CYP2J2: variants seen among roughly 807,000 people sequenced by gnomAD.
CYP2J2 encodes cytochrome P450 family 2 subfamily J member 2.
A neutral mutation model predicts 48.8 loss-of-function variants in CYP2J2; 41 were observed. The ratio of observed to expected loss-of-function variants is 0.84; its 90% CI spans 0.66 to 1.09. The LOEUF is 1.09. Among genes scored for constraint, CYP2J2 ranks in the 50% least tolerant of loss-of-function variants. CYP2J2 has a pLI of 0.00. For synonymous variants in CYP2J2, 221 were observed against 227.1 expected (o/e 0.97, Z 0.24); for missense variants, 644 against 617.3 (o/e 1.04, Z -0.46).
chr1:59,949,089 G>A, the CYP2J2 span, among the ~76,000 whole-genome samples: 2 of 152,140 alleles, frequency 1.3e-5, no homozygotes, highest in South Asian at 4.2e-4. Context: ...CTCTCCTGAT[G>A]GCATTCAGAA....
chr1:59,904,844 G>T, intron 7 of CYP2J2, 27 bp downstream of exon 7: 1 of 1,592,938 alleles, frequency 6.3e-7, no homozygotes, highest in East Asian at 2.2e-5. Context: ...CCCCCTAAAA[G>T]ATGGGCTTGA....
intron 2 of CYP2J2, among the ~76,000 whole-genome samples, chr1:59,914,896 T>A (rs1644450804): frequency 6.6e-6 from 1 of 152,202 alleles, no homozygotes; most frequent in African/African-American, 2.4e-5. Context: ...TGTTTCGGTA[T>A]AAAACCCGAT....
intron 7 of CYP2J2, 116 bp from the exon 8 acceptor site, chr1:59,901,219 T>C: frequency 9.7e-7 from 1 of 1,029,678 alleles, no homozygotes; most frequent in Non-Finnish European, 1.4e-6. Context: ...TGCCCCACCC[T>C]CCCCAATTGT....
chr1:59,957,700 ACAC>A, the CYP2J2 span, among the ~76,000 whole-genome samples: 6,525 of 150,192 alleles, frequency 0.043, 152 homozygotes, highest in African/African-American at 0.069. Flanking sequence ...ACACACACAC[ACAC>A]CACACACACA....
chr1:59,969,026 C>A, the CYP2J2 span, among the ~76,000 whole-genome samples: 1 of 152,018 alleles, frequency 6.6e-6, no homozygotes, highest in African/African-American at 2.4e-5. Flanking sequence ...TAAGGCAGTG[C>A]GTCTGGAGTT....
chr1:59,912,908 T>C (rs933391468), intron 2 of CYP2J2: 2 of 152,198 alleles, frequency 1.3e-5, no homozygotes, highest in Non-Finnish European at 2.9e-5. Context: ...GAAAGTTCCA[T>C]ACAGAAAGAA....
At chr1:59,921,931 C>A (rs1644519391) in intron 1 of CYP2J2, among the ~76,000 whole-genome samples, 1 of 152,152 alleles carries the variant, frequency 6.6e-6, no homozygotes, top group Admixed American at 6.5e-5. Context: ...AGAATTACTT[C>A]ATCCCCATGT....
intron 6 of CYP2J2, 108 bp from the exon 7 acceptor site, chr1:59,905,166 G>T (rs540658803): frequency 7.0e-6 from 8 of 1,135,892 alleles, no homozygotes; most frequent in East Asian, 5.4e-5. Context: ...TTAGTGACCA[G>T]GTTGCAAGAA....
the CYP2J2 span, among the ~76,000 whole-genome samples, chr1:59,945,081 A>C: frequency 6.6e-6 from 1 of 152,260 alleles, no homozygotes; most frequent in Non-Finnish European, 1.5e-5. Context: ...AGAATTATCA[A>C]ACTTTTTTGG....
chr1:59,968,761 G>A, the CYP2J2 span, among the ~76,000 whole-genome samples: 5 of 152,216 alleles, frequency 3.3e-5, no homozygotes, highest in African/African-American at 9.6e-5. Flanking sequence ...GCTTTGTGAT[G>A]AGCATGTGCC....
the CYP2J2 span, among the ~76,000 whole-genome samples, chr1:59,965,615 G>A: frequency 6.6e-6 from 1 of 152,188 alleles, no homozygotes; most frequent in East Asian, 1.9e-4. Flanking sequence ...GACCAGTGGT[G>A]TACTTGGTGC....
chr1:59,961,327 TA>T, the CYP2J2 span, among the ~76,000 whole-genome samples: 1 of 152,090 alleles, frequency 6.6e-6, no homozygotes, highest in Non-Finnish European at 1.5e-5. Context: ...AGGATTTAAA[TA>T]AATATTTTTC....
chr1:59,910,858 G>A (rs1466373194), intron 4 of CYP2J2, among the ~76,000 whole-genome samples: 1 of 152,166 alleles, frequency 6.6e-6, no homozygotes, highest in Non-Finnish European at 1.5e-5. Flanking sequence ...AAGGCTTAGA[G>A]GGACAAAAAT....
At chr1:59,904,784 T>A in intron 7 of CYP2J2, 87 bp downstream of exon 7, 1 of 1,157,756 alleles carries the variant, frequency 8.6e-7, no homozygotes, top group Non-Finnish European at 1.2e-6. Context: ...TCCATTTAAA[T>A]GATTCCTTAG....
the CYP2J2 span, among the ~76,000 whole-genome samples, chr1:59,955,165 A>T: frequency 1.4e-5 from 2 of 147,048 alleles, no homozygotes; most frequent in South Asian, 4.3e-4. Context: ...AAATAAATAA[A>T]TAAATAATTA....
chr1:59,928,461 G>A (rs555119143), upstream of CYP2J2, among the ~76,000 whole-genome samples: 8 of 152,246 alleles, frequency 5.3e-5, no homozygotes, highest in East Asian at 1.9e-4. Flanking sequence ...CCAGATCAAC[G>A]TGACAGAAAC....
chr1:59,937,310 C>T, the CYP2J2 span, among the ~76,000 whole-genome samples: 2 of 152,196 alleles, frequency 1.3e-5, no homozygotes, highest in East Asian at 3.8e-4. Context: ...ACACTCATAT[C>T]CCATTGTCCA....
At chr1:59,947,113 C>T in the CYP2J2 span, among the ~76,000 whole-genome samples, 1 of 152,148 alleles carries the variant, frequency 6.6e-6, no homozygotes, top group South Asian at 2.1e-4. Context: ...TTCTCTCTAG[C>T]TACTTTTATT....
chr1:59,961,666 A>T, the CYP2J2 span, among the ~76,000 whole-genome samples: 1 of 152,198 alleles, frequency 6.6e-6, no homozygotes, highest in Non-Finnish European at 1.5e-5. Context: ...AAATTTATAC[A>T]TGGACGCTCA....
Sources: allele counts gnomAD v4.1 joint callset (sites outside exome capture counted in the v4.1 genomes callset), GRCh38; gene constraint gnomAD v4.1.1; transcripts MANE v1.5; gene names NCBI Gene and HGNC (gene_info 2026-07-23, HGNC 2026-07-21).